Variants in HPSE2 observed in about 807,000 individuals in gnomAD.
HPSE2 encodes the protein heparanase 2 (inactive), also known as inactive heparanase-2.
A neutral mutation model predicts 60.5 loss-of-function variants in HPSE2; 38 were observed. That is an observed-to-expected ratio of 0.63 (90% CI 0.48 to 0.82). HPSE2 has a LOEUF of 0.82. Among genes scored for constraint, HPSE2 ranks in the 40% least tolerant of loss-of-function variants. HPSE2 has a pLI of 0.00. For synonymous variants in HPSE2, 295 were observed against 293.2 expected, an observed-to-expected ratio of 1.01 and a Z score of -0.06; for missense variants, 713 against 740.4, an observed-to-expected ratio of 0.96 and a Z score of 0.43.
chr10:98,474,884 T>C lies in HPSE2; in HGVS notation c.1613+7752A>G, dbSNP rs150368771. Among the ~76,000 whole-genome samples the C allele has an allele frequency of 6.1e-3, 922 of 152,274 alleles. 6 individuals are homozygous for C. The highest frequency in any genetic ancestry group is 8.5e-3 in the Non-Finnish European group (577 of 68,012). ...GACAGAGATGAGCTCCTTTAGGAGATTCTTCTGAGCTCCTTTAGGAGATTC... is the reference window on the plus strand; with the variant it reads ...GACAGAGATGAGCTCCTTTAGGAGACTCTTCTGAGCTCCTTTAGGAGATTC... On this transcript the variant is annotated intron_variant, in intron 11 of 11. Coordinates refer to ENST00000370552, the MANE Select transcript of HPSE2 (RefSeq NM_021828.5).
intron 6 of HPSE2, among the ~76,000 whole-genome samples, chr10:98,655,882 G>A (rs775782520): frequency 6.6e-6 from 1 of 152,116 alleles, no homozygotes; most frequent in Non-Finnish European, 1.5e-5. Flanking sequence ...CCAGATCCAA[G>A]ACTCAAGGTC....
At chr10:98,757,419 A>G (rs1034072918) in intron 3 of HPSE2, among the ~76,000 whole-genome samples, 6 of 152,132 alleles carry the variant, frequency 3.9e-5, no homozygotes, top group African/African-American at 1.2e-4. Context: ...ATATGATTCT[A>G]CACCTAGAAA....
intron 9 of HPSE2, among the ~76,000 whole-genome samples, chr10:98,504,382 A>AT (rs1024754768): frequency 4.0e-5 from 6 of 151,870 alleles, no homozygotes; most frequent in African/African-American, 1.2e-4. Flanking sequence ...TCTCATTTAA[A>AT]TTTTTTTCCA....
At chr10:98,790,639 C>G (rs553115774) in intron 3 of HPSE2, among the ~76,000 whole-genome samples, 1 of 152,072 alleles carries the variant, frequency 6.6e-6, no homozygotes, top group East Asian at 1.9e-4. Context: ...GATTAATGTT[C>G]TCACCACAAA....
chr10:98,776,337 C>T (rs147044939), intron 3 of HPSE2, among the ~76,000 whole-genome samples: 2,270 of 151,164 alleles, frequency 0.015, 31 homozygotes, highest in African/African-American at 0.03. Flanking sequence ...ATCCCAGCTA[C>T]TAGGGAGGCT....
At chr10:98,683,399 T>A (rs892376343) in intron 6 of HPSE2, among the ~76,000 whole-genome samples, 61 of 118,156 alleles carry the variant, frequency 5.2e-4, no homozygotes, top group South Asian at 8.6e-4. Context: ...AGAAAGCAAC[T>A]GAGTGGAGAA....
At chr10:98,602,116 G>A (rs1215424134) in intron 9 of HPSE2, among the ~76,000 whole-genome samples, 1 of 152,102 alleles carries the variant, frequency 6.6e-6, no homozygotes, top group Non-Finnish European at 1.5e-5. Context: ...TGAGGAGTAA[G>A]GGTTCCCCAG....
chr10:99,129,936 G>A (rs1466571946), intron 3 of HPSE2, among the ~76,000 whole-genome samples: 1 of 151,866 alleles, frequency 6.6e-6, no homozygotes, highest in Non-Finnish European at 1.5e-5. Context: ...ATTAGAAATG[G>A]GATGGGAGAT....
At chr10:99,288,651 G>A in the HPSE2 span, among the ~76,000 whole-genome samples, 2 of 151,272 alleles carry the variant, frequency 1.3e-5, no homozygotes, top group African/African-American at 4.9e-5. Context: ...ATGGTGAAGG[G>A]GGACACTGGG....
chr10:98,591,134 AAG>A (rs1945078704), intron 9 of HPSE2, among the ~76,000 whole-genome samples: 1 of 151,930 alleles, frequency 6.6e-6, no homozygotes, highest in Non-Finnish European at 1.5e-5. Context: ...ATCAAAAAAA[AAG>A]AAGAGCCCCT....
chr10:98,898,368 C>T (rs1953557411), intron 3 of HPSE2, among the ~76,000 whole-genome samples: 1 of 152,030 alleles, frequency 6.6e-6, no homozygotes, highest in Admixed American at 6.6e-5. Context: ...AAATATGGTA[C>T]ATCATAAAGT....
chr10:98,868,737 T>A (rs1584125), intron 3 of HPSE2, among the ~76,000 whole-genome samples: 126,715 of 152,074 alleles, frequency 0.83, 53,003 homozygotes, highest in African/African-American at 0.87. Flanking sequence ...AGCATGATAA[T>A]TCTCTCTCTA....
At chr10:98,870,624 T>C (rs1020626000) in intron 3 of HPSE2, among the ~76,000 whole-genome samples, 1 of 152,140 alleles carries the variant, frequency 6.6e-6, no homozygotes. Flanking sequence ...CCTGTACAAG[T>C]ACAGATCTAA....
At chr10:98,545,040 A>G (rs1943619026) in intron 9 of HPSE2, among the ~76,000 whole-genome samples, 1 of 152,204 alleles carries the variant, frequency 6.6e-6, no homozygotes, top group Non-Finnish European at 1.5e-5. Context: ...ACGCAAATAA[A>G]CTAGAAAATC....
chr10:98,959,898 C>G (rs1456450447), intron 3 of HPSE2, among the ~76,000 whole-genome samples: 1 of 152,100 alleles, frequency 6.6e-6, no homozygotes, highest in East Asian at 1.9e-4. Flanking sequence ...TCTTCTTTCT[C>G]CTTTTTCTAT....
chr10:99,169,504 C>CAAAAAAAAAAAAAA (rs562946052), intron 2 of HPSE2, among the ~76,000 whole-genome samples: 6 of 54,734 alleles, frequency 1.1e-4, no homozygotes, highest in South Asian at 1.0e-3. Context: ...GACTCCGTCT[C>CAAAAAAAAAAAAAA]AAAAAAAAAA....
chr10:98,835,716 A>G (rs1951775896), intron 3 of HPSE2, among the ~76,000 whole-genome samples: 1 of 152,238 alleles, frequency 6.6e-6, no homozygotes, highest in Non-Finnish European at 1.5e-5. Flanking sequence ...TGGATGTGTT[A>G]CAGCTTGAAG....
chr10:98,482,500 A>G lies in HPSE2; in HGVS notation c.1613+136T>C, dbSNP rs139307802. ...CCCAAAAGGAGTCAGCAGTCACCTG[A>G]CCCCAGACCGCTCTTTGTCCTACTC... is the stretch of plus-strand genomic sequence containing the variant. On this transcript the variant is annotated intron_variant, in intron 11 of 11. Transcript: ENST00000370552. The G allele has an allele frequency of 2.8e-4, 289 of 1,035,378 alleles. 2 individuals are homozygous for G. The African/African-American group carries it at 3.9e-3, about 14-fold the overall frequency. The allele number at this position is 1,035,378 out of a possible 1,614,324, so 64.1% of individuals were successfully genotyped here.
At chr10:98,568,757 G>A (rs903552973) in intron 9 of HPSE2, among the ~76,000 whole-genome samples, 3 of 152,120 alleles carry the variant, frequency 2.0e-5, no homozygotes, top group Admixed American at 6.5e-5. Flanking sequence ...TTTTTCCTTA[G>A]AGCAGCAGTG....
Sources: allele counts gnomAD v4.1 joint callset (sites outside exome capture counted in the v4.1 genomes callset), GRCh38; gene constraint gnomAD v4.1.1; transcripts MANE v1.5; gene names NCBI Gene and HGNC (gene_info 2026-07-23, HGNC 2026-07-21).